Variants in DPP6 observed in about 807,000 individuals in gnomAD.
DPP6 encodes A-type potassium channel modulatory protein DPP6.
DPP6 carries 69 observed loss-of-function variants against 122.6 expected under a neutral mutation model. The ratio of observed to expected loss-of-function variants is 0.56; its 90% confidence interval spans 0.46 to 0.69. The LOEUF (loss-of-function observed/expected upper bound fraction) is 0.69, where lower values mean the gene tolerates loss of function less well. DPP6 is among the 30% of genes least tolerant of loss of function. DPP6 has a pLI of 0.00. For synonymous variants in DPP6, 418 were observed against 433.1 expected, an observed-to-expected ratio of 0.97 and a Z score of 0.43; for missense variants, 928 against 1,116.9, an observed-to-expected ratio of 0.83 and a Z score of 2.41.
intron 1 of DPP6, among the ~76,000 whole-genome samples, chr7:154,290,760 C>A (rs955099194): frequency 3.3e-5 from 5 of 152,122 alleles, no homozygotes; most frequent in African/African-American, 1.2e-4. Flanking sequence ...GGGCTTCTTA[C>A]ATGAGCCATT....
chr7:154,475,339 G>T (rs778230993), intron 3 of DPP6: 2 of 380,176 alleles, frequency 5.3e-6, no homozygotes, highest in African/African-American at 2.1e-5. Flanking sequence ...TTCTCCGGGG[G>T]AGCTGTGGGG....
chr7:154,253,789 T>G (rs2150901084), intron 1 of DPP6, among the ~76,000 whole-genome samples: 1 of 152,270 alleles, frequency 6.6e-6, no homozygotes, highest in African/African-American at 2.4e-5. Flanking sequence ...ACTGGATAAT[T>G]TATGAAGAAA....
At chr7:154,018,146 G>T (rs1303349053) in intron 1 of DPP6, among the ~76,000 whole-genome samples, 1 of 151,842 alleles carries the variant, frequency 6.6e-6, no homozygotes, top group African/African-American at 2.4e-5. Context: ...TCAAGACAAG[G>T]CCACCACGAG....
chr7:154,401,235 TAC>T (rs1362708179), intron 1 of DPP6, among the ~76,000 whole-genome samples: 20 of 151,670 alleles, frequency 1.3e-4, no homozygotes, highest in Admixed American at 1.3e-3. Flanking sequence ...AAACAGGTAT[TAC>T]TGGCTGCCCC....
At chr7:154,023,213 T>C (rs1399097917) in intron 1 of DPP6, among the ~76,000 whole-genome samples, 1 of 151,866 alleles carries the variant, frequency 6.6e-6, no homozygotes, top group Non-Finnish European at 1.5e-5. Context: ...GCATCTTTTG[T>C]ACCTTTAACC....
At chr7:154,206,179 T>C (rs1395473740) in intron 1 of DPP6, among the ~76,000 whole-genome samples, 1 of 152,238 alleles carries the variant, frequency 6.6e-6, no homozygotes, top group Non-Finnish European at 1.5e-5. Context: ...GGCCCTTCCC[T>C]CTCTTCTCTT....
the DPP6 span, among the ~76,000 whole-genome samples, chr7:153,874,518 G>A: frequency 5.9e-5 from 9 of 152,238 alleles, no homozygotes; most frequent in South Asian, 1.5e-3. Context: ...TGGGATTGCA[G>A]GTGTGTGCCA....
chr7:153,931,819 A>G (rs944024507), intron 1 of DPP6, among the ~76,000 whole-genome samples: 8 of 152,232 alleles, frequency 5.3e-5, no homozygotes, highest in Non-Finnish European at 1.0e-4. Flanking sequence ...TGGAAAATCA[A>G]AGTGCCACAC....
intron 1 of DPP6, among the ~76,000 whole-genome samples, chr7:154,338,940 CAA>C (rs1809672023): frequency 1.3e-5 from 2 of 152,186 alleles, no homozygotes; most frequent in South Asian, 2.1e-4. Context: ...GGAGCAGCCT[CAA>C]TGCTCTACCG....
At chr7:153,834,755 T>C in the DPP6 span, among the ~76,000 whole-genome samples, 1 of 152,154 alleles carries the variant, frequency 6.6e-6, no homozygotes, top group Non-Finnish European at 1.5e-5. Context: ...ATTTAATAAA[T>C]AAACAATTTA....
intron 1 of DPP6, among the ~76,000 whole-genome samples, chr7:153,890,742 G>A (rs1263144736): frequency 1.4e-5 from 2 of 138,022 alleles, no homozygotes; most frequent in African/African-American, 5.6e-5. Flanking sequence ...ACCCAGGCTG[G>A]AGTGCAGTGC....
At chr7:153,871,087 T>C in the DPP6 span, among the ~76,000 whole-genome samples, 2 of 152,190 alleles carry the variant, frequency 1.3e-5, no homozygotes, top group Admixed American at 6.5e-5. Flanking sequence ...AGTTAGGCTA[T>C]TCGGGGGTCA....
the DPP6 span, among the ~76,000 whole-genome samples, chr7:153,805,407 C>T: frequency 2.0e-5 from 3 of 152,152 alleles, no homozygotes; most frequent in African/African-American, 7.2e-5. Context: ...GTCAGACGTC[C>T]CAAGGAAGGT....
the DPP6 span, among the ~76,000 whole-genome samples, chr7:153,752,677 T>C: frequency 3.2e-5 from 4 of 124,128 alleles, no homozygotes; most frequent in Admixed American, 3.6e-4. Flanking sequence ...GGTAACTTGG[T>C]AAAGATCACA....
chr7:154,431,408 G>A (rs186700343), intron 1 of DPP6, among the ~76,000 whole-genome samples: 8 of 151,778 alleles, frequency 5.3e-5, no homozygotes, highest in South Asian at 4.2e-4. Context: ...AGCCGCTGTC[G>A]TCAAAACCTC....
At chr7:153,820,537 G>C in the DPP6 span, among the ~76,000 whole-genome samples, 6 of 152,224 alleles carry the variant, frequency 3.9e-5, no homozygotes, top group African/African-American at 1.2e-4. Context: ...ACTTTAGAAT[G>C]GGAGAGAACC....
intron 1 of DPP6, among the ~76,000 whole-genome samples, chr7:154,154,043 C>T (rs1288587466): frequency 6.6e-6 from 1 of 152,196 alleles, no homozygotes; most frequent in Non-Finnish European, 1.5e-5. Flanking sequence ...TCCTTCAATT[C>T]CCATCAGCCA....
Position 154,872,710 on chromosome 7 carries a change from C to A in DPP6, c.1883+17C>A. 2 of 1,583,488 alleles carry A rather than the reference C, an allele frequency of 1.3e-6. No individual in the cohort carries two copies. Among genetic ancestry groups the A allele is most frequent in the Non-Finnish European group, 1.7e-6 (2 of 1,164,660 alleles). ...CCTGGTGGTGTAAGTATCGTCACATCTGTCTTTCCCTGGTGCTCGTTCTGG... is the reference window on the plus strand; with the variant it reads ...CCTGGTGGTGTAAGTATCGTCACATATGTCTTTCCCTGGTGCTCGTTCTGG... On this transcript the variant is annotated intron_variant, in intron 19 of 25. Transcript: ENST00000377770.
intron 1 of DPP6, among the ~76,000 whole-genome samples, chr7:153,917,125 A>G (rs976199302): frequency 3.9e-5 from 6 of 152,202 alleles, no homozygotes; most frequent in Non-Finnish European, 8.8e-5. Context: ...AGAGATGTGG[A>G]TGCTGCATCT....
Sources: gnomAD v4.1 joint callset for allele counts (sites outside exome capture counted in the v4.1 genomes callset) on GRCh38, gnomAD v4.1.1 for gene constraint, MANE v1.5 for transcripts, NCBI Gene and HGNC (gene_info 2026-07-23, HGNC 2026-07-21) for gene names.